The following FLT1 variants were observed in gnomAD, a reference collection of about 807,000 sequenced individuals.
FLT1 encodes the protein vascular endothelial growth factor receptor 1.
Under a neutral mutation model 156.3 loss-of-function variants are expected in FLT1, and 49 were observed. The ratio of observed to expected loss-of-function variants is 0.31; its 90% CI spans 0.25 to 0.40. The LOEUF (loss-of-function observed/expected upper bound fraction) is 0.40, where lower values mean the gene tolerates loss of function less well. FLT1 is among the 10% of genes least tolerant of loss of function. The pLI, the probability that FLT1 is intolerant of heterozygous loss-of-function variation, is 1.00. For missense variants in FLT1, 1,322 were observed against 1,637.2 expected (o/e 0.81, Z 3.32); for synonymous variants, 594 against 583.8 (o/e 1.02, Z -0.25).
chr13:28,355,514 T>C (rs920067555), intron 15 of FLT1, among the ~76,000 whole-genome samples: 3 of 152,204 alleles, frequency 2.0e-5, no homozygotes, highest in African/African-American at 7.2e-5. Flanking sequence ...TGACTAATGA[T>C]TCCAGAAGCG....
intron 10 of FLT1, among the ~76,000 whole-genome samples, chr13:28,417,859 A>G (rs1024542941): frequency 1.3e-5 from 2 of 151,744 alleles, no homozygotes; most frequent in Non-Finnish European, 2.9e-5. Flanking sequence ...AGCAGCCTCT[A>G]TGTCCCCATT....
intron 12 of FLT1, among the ~76,000 whole-genome samples, chr13:28,395,243 G>A (rs1478617201): frequency 6.6e-6 from 1 of 152,170 alleles, no homozygotes; most frequent in Non-Finnish European, 1.5e-5. Context: ...TATGGTTTGT[G>A]GGCCTCCACT....
intron 3 of FLT1, among the ~76,000 whole-genome samples, chr13:28,463,336 G>T (rs1879689142): frequency 6.6e-6 from 1 of 152,182 alleles, no homozygotes; most frequent in Non-Finnish European, 1.5e-5. Flanking sequence ...GGTGGGAACA[G>T]CGCCTGTTAC....
chr13:28,306,065 T>C (rs1013818176), intron 29 of FLT1, among the ~76,000 whole-genome samples: 9 of 152,168 alleles, frequency 5.9e-5, no homozygotes, highest in African/African-American at 2.2e-4. Flanking sequence ...CCAGCACCAT[T>C]GCAAGGTAGA....
chr13:28,389,104 G>A (rs1303009715), intron 13 of FLT1: 2 of 1,064,576 alleles, frequency 1.9e-6, no homozygotes, highest in East Asian at 5.0e-5. Flanking sequence ...CACCCCTGGG[G>A]CCCATTTTAG....
chr13:28,494,808 GCACAGCAGGACCCCGGTGTCC>G lies in FLT1; in HGVS notation c.15_35del (p.Trp5_Leu11del). The G allele has an allele frequency of 6.3e-7, 1 of 1,574,922 alleles. No homozygotes were observed. The highest frequency in any genetic ancestry group is 8.6e-7 in the Non-Finnish European group (1 of 1,165,546). On this transcript the variant is annotated inframe_deletion, in exon 1 of 30. Coordinates refer to ENST00000282397, the MANE Select transcript of FLT1 (RefSeq NM_002019.4). ...TGAGAAGCAGACAGCTGAGCAGCGC[GCACAGCAGGACCCCGGTGTCC>G]CAGTAGCTGACCATGGTGAGCGCGA...
intron 15 of FLT1, among the ~76,000 whole-genome samples, chr13:28,353,082 G>A (rs1417712231): frequency 1.3e-5 from 2 of 152,178 alleles, no homozygotes; most frequent in Non-Finnish European, 1.5e-5. Flanking sequence ...GCAATCGTTT[G>A]CAAATCAGCC....
chr13:28,365,946 G>A (rs1301320759), intron 14 of FLT1, among the ~76,000 whole-genome samples: 1 of 152,172 alleles, frequency 6.6e-6, no homozygotes, highest in Non-Finnish European at 1.5e-5. Flanking sequence ...TAATATAAAT[G>A]AGTTGGGGAT....
intron 12 of FLT1, 51 bp from the exon 13 acceptor site, chr13:28,390,155 TA>T (rs1874622688): frequency 6.3e-7 from 1 of 1,591,096 alleles, no homozygotes; most frequent in African/African-American, 1.3e-5. Context: ...CAGTGTCTTT[TA>T]ATGAGATATT....
chr13:28,384,831 G>C, intron 14 of FLT1, 54 bp downstream of exon 14: 2 of 1,550,558 alleles, frequency 1.3e-6, no homozygotes, highest in Non-Finnish European at 8.9e-7. Flanking sequence ...TTAAGGGAAA[G>C]GGGGGCTGAT....
intron 25 of FLT1, 108 bp downstream of exon 25, chr13:28,317,390 G>C (rs1381768633): frequency 1.3e-6 from 1 of 795,940 alleles, no homozygotes; most frequent in African/African-American, 1.7e-5. Context: ...AAGAACCTTG[G>C]CATCTTCCAA....
At chr13:28,388,237 A>G in intron 13 of FLT1, 1 of 1,057,706 alleles carries the variant, frequency 9.5e-7, no homozygotes, top group Non-Finnish European at 1.1e-6. Context: ...GGGGCTCCAT[A>G]AAACTGGCAT....
intron 1 of FLT1, among the ~76,000 whole-genome samples, chr13:28,490,621 G>T (rs1881418719): frequency 6.6e-6 from 1 of 152,178 alleles, no homozygotes; most frequent in Admixed American, 6.5e-5. Flanking sequence ...TCTGGCAGGA[G>T]ATCTTGTCAT....
chr13:28,453,965 C>G (rs901037454), intron 3 of FLT1, among the ~76,000 whole-genome samples: 4 of 151,826 alleles, frequency 2.6e-5, no homozygotes, highest in African/African-American at 9.7e-5. Flanking sequence ...TAGGGTGCTT[C>G]CCAGAGGGGG....
chr13:28,473,061 A>G (rs1880263659), intron 1 of FLT1, among the ~76,000 whole-genome samples: 1 of 152,230 alleles, frequency 6.6e-6, no homozygotes, highest in Admixed American at 6.5e-5. Context: ...ACACCACTTC[A>G]TGCCGACTGG....
At chr13:28,388,486 A>G in intron 13 of FLT1, 2 of 1,039,516 alleles carry the variant, frequency 1.9e-6, no homozygotes, top group Non-Finnish European at 2.3e-6. Flanking sequence ...TGCAAGTCAC[A>G]TATAATGATC....
intron 20 of FLT1, among the ~76,000 whole-genome samples, chr13:28,324,348 GC>G (rs1871593082): frequency 6.6e-6 from 1 of 152,096 alleles, no homozygotes; most frequent in Non-Finnish European, 1.5e-5. Context: ...TCCTTCCTGG[GC>G]TTTTCTAGAA....
intron 14 of FLT1, among the ~76,000 whole-genome samples, chr13:28,377,557 C>G (rs561829735): frequency 6.6e-6 from 1 of 152,322 alleles, no homozygotes; most frequent in East Asian, 1.9e-4. Context: ...TAAATACATG[C>G]ATCACTTAAT....
rs1323551249 is a variant in FLT1 at position 28,433,952 on chromosome 13, T to C, written c.680A>G (p.Asn227Ser). The C allele has an allele frequency of 3.7e-6, 6 of 1,614,138 alleles. No homozygotes were observed. In the South Asian group the frequency reaches 4.4e-5, roughly 12 times the overall value. The change falls in exon 6 of 30, where the codon AAT becomes AGT. Residue 227 changes from asparagine (N) to serine (S), a missense_variant. Transcript: ENST00000282397. ...GCTTATTTGGACATCTATGATTGTA[T>C]TGGCTGCAAGCATAAGAGAGAAATT... is the stretch of plus-strand genomic sequence containing the variant. Reference protein sequence around the residue: ...KTNYLTHRQTNTIIDVQISTP... With the variant: ...KTNYLTHRQTSTIIDVQISTP...
Sources: allele counts gnomAD v4.1 joint callset (sites outside exome capture counted in the v4.1 genomes callset), GRCh38; gene constraint gnomAD v4.1.1; transcripts MANE v1.5; gene names NCBI Gene and HGNC (gene_info 2026-07-23, HGNC 2026-07-21).